GRAP2: variants seen among roughly 807,000 people sequenced by gnomAD.
The protein encoded by GRAP2 is GRB2-related adapter protein 2.
Under a neutral mutation model 43.5 loss-of-function variants are expected in GRAP2, and 31 were observed. The ratio of observed to expected loss-of-function variants is 0.71; its 90% CI spans 0.54 to 0.96. The LOEUF (loss-of-function observed/expected upper bound fraction) is 0.96. Among genes scored for constraint, GRAP2 ranks in the 40% least tolerant of loss-of-function variants. The probability of loss-of-function intolerance (pLI) is 0.00; values close to 1 mark genes in which losing one functional copy is unlikely to be tolerated. For missense variants in GRAP2, 371 were observed against 424.4 expected, an observed-to-expected ratio of 0.87 and a Z score of 1.11; for synonymous variants, 156 against 164.8, an observed-to-expected ratio of 0.95 and a Z score of 0.41.
chr22:39,935,740 A>C (rs1419901917), intron 1 of GRAP2, among the ~76,000 whole-genome samples: 1 of 152,176 alleles, frequency 6.6e-6, no homozygotes, highest in Non-Finnish European at 1.5e-5. Flanking sequence ...ACAACAAATG[A>C]GGGCTTGGGA....
At chr22:39,959,718 CCGCAGCTGCCGGCAGGCGGCTGCTTCCTG>C (rs2067096163) in intron 3 of GRAP2, among the ~76,000 whole-genome samples, 1 of 152,186 alleles carries the variant, frequency 6.6e-6, no homozygotes, top group Non-Finnish European at 1.5e-5. Flanking sequence ...TCTATCTCTT[CCGCAGCTGCCGGCAGGCGGCTGCTTCCTG>C]CAGTGAGTCA....
At chr22:39,898,589 G>C (rs2066474401), upstream of GRAP2, among the ~76,000 whole-genome samples, 1 of 152,188 alleles carries the variant, frequency 6.6e-6, no homozygotes, top group Admixed American at 6.5e-5. Context: ...AAGGTGGGCA[G>C]ATCACCTGAG....
At chr22:39,945,350 C>A (rs1373467641) in intron 1 of GRAP2, among the ~76,000 whole-genome samples, 1 of 152,130 alleles carries the variant, frequency 6.6e-6, no homozygotes, top group Non-Finnish European at 1.5e-5. Context: ...AAAGATTGAA[C>A]AATTGTGGAG....
intron 2 of GRAP2, among the ~76,000 whole-genome samples, chr22:39,949,346 A>G (rs1156284416): frequency 6.6e-6 from 1 of 152,168 alleles, no homozygotes; most frequent in Non-Finnish European, 1.5e-5. Context: ...GCATGATTTC[A>G]TCATCTCAGC....
chr22:39,923,080 G>A (rs2066667837), intron 1 of GRAP2, among the ~76,000 whole-genome samples: 1 of 151,876 alleles, frequency 6.6e-6, no homozygotes, highest in Non-Finnish European at 1.5e-5. Context: ...AAAATATAGT[G>A]TTTAGAGACC....
At chr22:39,901,653 T>C (rs2145562360) in intron 1 of GRAP2, among the ~76,000 whole-genome samples, 2 of 152,266 alleles carry the variant, frequency 1.3e-5, no homozygotes, top group Admixed American at 1.3e-4. Flanking sequence ...CACTTCACCA[T>C]GGTCAGAATT....
intron 1 of GRAP2, among the ~76,000 whole-genome samples, chr22:39,920,389 C>T (rs2066639504): frequency 6.6e-6 from 1 of 152,158 alleles, no homozygotes; most frequent in Non-Finnish European, 1.5e-5. Flanking sequence ...AGAAAATCAA[C>T]AGACATCACC....
intron 2 of GRAP2, among the ~76,000 whole-genome samples, chr22:39,953,002 C>T (rs765189282): frequency 1.3e-5 from 2 of 152,124 alleles, no homozygotes; most frequent in Non-Finnish European, 2.9e-5. Context: ...CTTCTCGTTC[C>T]CAACTCACAA....
At chr22:39,907,294 A>G (rs549050710) in intron 1 of GRAP2, among the ~76,000 whole-genome samples, 2 of 152,170 alleles carry the variant, frequency 1.3e-5, no homozygotes, top group East Asian at 3.9e-4. Context: ...CCCAATGGGG[A>G]AAAAAAACCA....
intron 1 of GRAP2, among the ~76,000 whole-genome samples, chr22:39,945,940 A>C (rs1278656744): frequency 6.6e-6 from 1 of 152,194 alleles, no homozygotes; most frequent in Admixed American, 6.5e-5. Context: ...GGCTCACTGC[A>C]ACCTCTGCCT....
At chr22:39,918,355 G>A (rs995796871) in intron 1 of GRAP2, among the ~76,000 whole-genome samples, 4 of 152,182 alleles carry the variant, frequency 2.6e-5, no homozygotes, top group Admixed American at 6.5e-5. Flanking sequence ...TTATCATTTC[G>A]AGTTCATTGC....
chr22:39,915,022 C>G (rs2066593092), intron 1 of GRAP2, among the ~76,000 whole-genome samples: 2 of 151,680 alleles, frequency 1.3e-5, no homozygotes, highest in South Asian at 4.2e-4. Context: ...AACCCCATCT[C>G]TACTAAAAAT....
intron 1 of GRAP2, among the ~76,000 whole-genome samples, chr22:39,904,834 C>T (rs1455136305): frequency 1.3e-5 from 2 of 152,152 alleles, no homozygotes; most frequent in African/African-American, 2.4e-5. Flanking sequence ...TTAAAGATTA[C>T]GCCAGTTCTC....
intron 1 of GRAP2, among the ~76,000 whole-genome samples, chr22:39,927,260 G>A (rs897203127): frequency 3.3e-5 from 5 of 152,244 alleles, no homozygotes; most frequent in East Asian, 1.9e-4. Context: ...CCATCCTCTC[G>A]GCCCGCCGGC....
upstream of GRAP2, chr22:39,901,056 T>C (rs1230358622): frequency 3.4e-5 from 11 of 324,952 alleles, no homozygotes; most frequent in South Asian, 2.2e-4. Context: ...AAGCCCCATA[T>C]GTGCTAGTTC....
intron 1 of GRAP2, among the ~76,000 whole-genome samples, chr22:39,932,753 A>G (rs772960196): frequency 3.4e-4 from 51 of 151,916 alleles, no homozygotes; most frequent in Non-Finnish European, 5.3e-4. Context: ...GCTAACAACT[A>G]TTGAATTATT....
At chr22:39,930,586 A>C (rs2066746842) in intron 1 of GRAP2, among the ~76,000 whole-genome samples, 2 of 152,226 alleles carry the variant, frequency 1.3e-5, no homozygotes, top group East Asian at 1.9e-4. Context: ...AGCCAAGACT[A>C]CTGCGATGCT....
the GRAP2 span, chr22:39,893,857 A>G: frequency 6.6e-6 from 1 of 152,242 alleles, no homozygotes. Context: ...ATGGTTGCAG[A>G]TACCTGAGCT....
At chr22:39,947,357 A>G (rs2066934077) in intron 2 of GRAP2, 173 bp downstream of exon 2, 1 of 606,108 alleles carries the variant, frequency 1.6e-6, no homozygotes, top group African/African-American at 1.8e-5. Context: ...GGGTGATGGA[A>G]ATACAGTCGG....
Sources: gnomAD v4.1 joint callset for allele counts (sites outside exome capture counted in the v4.1 genomes callset) on GRCh38, gnomAD v4.1.1 for gene constraint, MANE v1.5 for transcripts, NCBI Gene and HGNC (gene_info 2026-07-23, HGNC 2026-07-21) for gene names.